The following CEP192 variants were observed in gnomAD, a reference collection of about 807,000 sequenced individuals.
The protein encoded by CEP192 is centrosomal protein of 192 kDa.
Under a neutral mutation model 271.8 loss-of-function variants are expected in CEP192, and 151 were observed. That is an observed-to-expected ratio of 0.56 (90% CI 0.49 to 0.64). The LOEUF (loss-of-function observed/expected upper bound fraction) is 0.64. CEP192 is among the 30% of genes least tolerant of loss of function. The probability of loss-of-function intolerance (pLI) is 0.00; values close to 1 mark genes in which losing one functional copy is unlikely to be tolerated. For missense variants in CEP192, 2,910 were observed against 3,020.5 expected, an observed-to-expected ratio of 0.96 and a Z score of 0.86; for synonymous variants, 995 against 1,076.5, an observed-to-expected ratio of 0.92 and a Z score of 1.48.
intron 11 of CEP192, among the ~76,000 whole-genome samples, 166 bp downstream of exon 11, chr18:13,030,774 C>T (rs2035575604): frequency 6.6e-6 from 1 of 152,164 alleles, no homozygotes; most frequent in African/African-American, 2.4e-5. Flanking sequence ...GTTAGCCAGT[C>T]TTAATCATTG....
chr18:13,028,680 C>T (rs555335626), intron 9 of CEP192, among the ~76,000 whole-genome samples: 147 of 152,070 alleles, frequency 9.7e-4, no homozygotes, highest in Non-Finnish European at 1.8e-3. Flanking sequence ...CCACCACGCC[C>T]GGCTAATTTT....
intron 36 of CEP192, 76 bp from the exon 37 acceptor site, chr18:13,099,396 TAGAC>T (rs2039599212): frequency 2.9e-6 from 2 of 700,232 alleles, no homozygotes; most frequent in Non-Finnish European, 4.8e-6. Context: ...CATTGGCTGG[TAGAC>T]AGTATTTATA....
At chr18:13,082,432 C>CTTTTTTTTTTTTTTTTTTTT (rs57663388) in intron 30 of CEP192, among the ~76,000 whole-genome samples, 20 of 49,944 alleles carry the variant, frequency 4.0e-4, no homozygotes, top group Admixed American at 1.1e-3. Flanking sequence ...GCAACCCCTG[C>CTTTTTTTTTTTTTTTTTTTT]TTTTTTTTTT....
intron 30 of CEP192, among the ~76,000 whole-genome samples, chr18:13,080,545 G>A (rs1239199367): frequency 6.0e-5 from 9 of 151,254 alleles, no homozygotes; most frequent in East Asian, 1.9e-4. Context: ...GGGCTGAGAC[G>A]ATGGGGTTTT....
chr18:13,050,166 T>A (rs1218878362), intron 17 of CEP192, among the ~76,000 whole-genome samples: 4 of 152,202 alleles, frequency 2.6e-5, no homozygotes, highest in Admixed American at 6.5e-5. Context: ...ATACTTCTGG[T>A]GAAGACTTTG....
rs1390418322 is a variant in CEP192, at chr18:13,029,924, T to G, written c.1312T>G (p.Phe438Val). Reference sequence around the variant, plus strand: ...GCCCATTAGTGACAGTGGAATTAATTTCACTGATGCCATTTGGTCACCAAC... The same window carrying G: ...GCCCATTAGTGACAGTGGAATTAATGTCACTGATGCCATTTGGTCACCAAC... ...LKPISDSGIN[F>V]TDAIWSPTCE... The change falls in exon 10 of 45, where the codon TTC (phenylalanine) becomes GTC (valine). Residue 438 changes from phenylalanine (F) to valine (V), a missense_variant. Transcript: ENST00000506447. The G allele has an allele frequency of 9.7e-6, 15 of 1,551,722 alleles. No individual in the cohort carries two copies. Among genetic ancestry groups the G allele is most frequent in the Admixed American group, 5.9e-5 (3 of 51,010 alleles).
At chr18:13,006,418 T>G (rs143509169) in intron 3 of CEP192, among the ~76,000 whole-genome samples, 4 of 152,028 alleles carry the variant, frequency 2.6e-5, no homozygotes, top group African/African-American at 9.7e-5. Flanking sequence ...GAAACCCGAG[T>G]GTAGTCAGTG....
At chr18:13,072,541 A>G (rs1423155419) in intron 28 of CEP192, among the ~76,000 whole-genome samples, 1 of 152,254 alleles carries the variant, frequency 6.6e-6, no homozygotes, top group African/African-American at 2.4e-5. Context: ...CTGGAGAGAG[A>G]TTAAACCAAA....
intron 9 of CEP192, among the ~76,000 whole-genome samples, chr18:13,024,033 A>G (rs1267630515): frequency 6.6e-6 from 1 of 152,042 alleles, no homozygotes; most frequent in African/African-American, 2.4e-5. Flanking sequence ...GTTGAGTTCA[A>G]CTGTGTTGTT....
chr18:13,068,309 A>C, intron 23 of CEP192, 50 bp from the exon 24 acceptor site: 1 of 1,592,080 alleles, frequency 6.3e-7, no homozygotes, highest in Non-Finnish European at 8.6e-7. Flanking sequence ...TTAAGATAGT[A>C]ATATTAATAC....
chr18:13,017,193 G>A lies in CEP192; in HGVS notation c.646G>A (p.Asp216Asn), dbSNP rs1439706727. ...PTSLEDSSDD[D>N]IDDEMFYDDH... ...TTTCTCGATTTTATCAATAGATGATGATATTGATGATGAAATGTTTTATGA... is the reference window on the plus strand; with the variant it reads ...TTTCTCGATTTTATCAATAGATGATAATATTGATGATGAAATGTTTTATGA... Residue 216 changes from aspartate (D) to asparagine (N), a missense_variant, in exon 7 of 45, where the codon GAT becomes AAT. By Grantham distance (23) the Asp-to-Asn change is conservative (BLOSUM62 1). Coordinates refer to ENST00000506447, the MANE Select transcript of CEP192 (RefSeq NM_032142.4). 6.5e-6 allele frequency: 10 copies of A among 1,540,410 alleles called. No homozygotes were observed. Among genetic ancestry groups the A allele is most frequent in the Non-Finnish European group, 7.9e-6 (9 of 1,142,828 alleles).
intron 3 of CEP192, among the ~76,000 whole-genome samples, chr18:13,005,521 C>A (rs2033926751): frequency 6.6e-6 from 1 of 152,180 alleles, no homozygotes; most frequent in South Asian, 2.1e-4. Flanking sequence ...CCTCTTGACT[C>A]TTGCTGGAGG....
intron 3 of CEP192, among the ~76,000 whole-genome samples, chr18:13,007,534 C>A (rs554079701): frequency 6.6e-6 from 1 of 152,268 alleles, no homozygotes; most frequent in South Asian, 2.1e-4. Flanking sequence ...CTTGCTCCCC[C>A]ACCTCTTTTC....
chr18:13,080,110 G>A (rs937480658), intron 30 of CEP192, among the ~76,000 whole-genome samples: 8 of 152,144 alleles, frequency 5.3e-5, no homozygotes, highest in African/African-American at 1.9e-4. Context: ...GATTGTCTTG[G>A]CAGTGCAGTC....
chr18:13,026,887 G>C (rs1354536438), intron 9 of CEP192, among the ~76,000 whole-genome samples: 2 of 152,096 alleles, frequency 1.3e-5, no homozygotes, highest in African/African-American at 4.8e-5. Context: ...GGTTCTGCTG[G>C]TTCTGATGCT....
At chr18:13,034,701 A>C (rs2035820436) in intron 11 of CEP192, among the ~76,000 whole-genome samples, 1 of 151,464 alleles carries the variant, frequency 6.6e-6, no homozygotes, top group African/African-American at 2.4e-5. Flanking sequence ...CTGTAGTCCC[A>C]GCTACTCAGG....
chr18:12,992,176 T>C (rs959033762), intron 1 of CEP192, among the ~76,000 whole-genome samples: 20 of 152,170 alleles, frequency 1.3e-4, no homozygotes, highest in Admixed American at 1.2e-3. Flanking sequence ...TTGCTCTTAC[T>C]ATTTTGAGGT....
intron 14 of CEP192, 72 bp from the exon 15 acceptor site, chr18:13,042,132 G>T: frequency 7.7e-7 from 1 of 1,295,964 alleles, no homozygotes; most frequent in Non-Finnish European, 1.1e-6. Flanking sequence ...CATTTTGCCT[G>T]GTCCTTATTC....
chr18:13,097,209 G>A (rs897939512), intron 36 of CEP192, among the ~76,000 whole-genome samples: 2 of 152,070 alleles, frequency 1.3e-5, no homozygotes, highest in Non-Finnish European at 2.9e-5. Flanking sequence ...CTCACAGCCC[G>A]CTTTTTCTGT....
Sources: allele counts gnomAD v4.1 joint callset (sites outside exome capture counted in the v4.1 genomes callset), GRCh38; gene constraint gnomAD v4.1.1; transcripts MANE v1.5; gene names NCBI Gene and HGNC (gene_info 2026-07-23, HGNC 2026-07-21).